Variants in GLIS3 observed in about 807,000 individuals in gnomAD.
GLIS3 encodes the protein zinc finger protein GLIS3.
A neutral mutation model predicts 78.6 loss-of-function variants in GLIS3; 53 were observed. The observed-to-expected ratio is 0.67, with a 90% CI of 0.54 to 0.85. The LOEUF is 0.85. Among genes scored for constraint, GLIS3 ranks in the 40% least tolerant of loss-of-function variants. GLIS3 has a pLI of 0.00. For synonymous variants in GLIS3, 684 were observed against 509.9 expected, an observed-to-expected ratio of 1.34 and a Z score of -4.60; for missense variants, 1,703 against 1,231.1, an observed-to-expected ratio of 1.38 and a Z score of -5.74.
At chr9:4,231,522 G>A (rs1318130438) in intron 2 of GLIS3, among the ~76,000 whole-genome samples, 2 of 152,122 alleles carry the variant, frequency 1.3e-5, no homozygotes, top group African/African-American at 4.8e-5. Context: ...TCCTTAGATA[G>A]AAAGCATGAG....
chr9:4,471,543 G>A, the GLIS3 span, among the ~76,000 whole-genome samples: 2 of 152,276 alleles, frequency 1.3e-5, no homozygotes, highest in Non-Finnish European at 2.9e-5. Flanking sequence ...TGGGAAAACT[G>A]GCTAGCCGTA....
intron 4 of GLIS3, among the ~76,000 whole-genome samples, chr9:4,068,839 T>C (rs1200632819): frequency 5.6e-5 from 8 of 142,464 alleles, no homozygotes; most frequent in Admixed American, 5.4e-4. Context: ...TATGCATGTG[T>C]GTGTGTGTGT....
At chr9:3,880,903 C>T (rs931427249) in intron 7 of GLIS3, among the ~76,000 whole-genome samples, 3 of 152,224 alleles carry the variant, frequency 2.0e-5, no homozygotes, top group African/African-American at 7.2e-5. Flanking sequence ...CAGGTTAACT[C>T]TTGTCCTCAG....
intron 2 of GLIS3, among the ~76,000 whole-genome samples, chr9:4,226,256 A>C (rs954801116): frequency 1.8e-4 from 27 of 152,310 alleles, no homozygotes; most frequent in African/African-American, 6.5e-4. Flanking sequence ...TTGCTTGGTT[A>C]ATTATTTTGT....
intron 4 of GLIS3, among the ~76,000 whole-genome samples, chr9:4,047,275 G>A (rs944096799): frequency 6.6e-6 from 1 of 152,012 alleles, no homozygotes. Context: ...GTTTCCTGAG[G>A]CCACCCCAGT....
intron 4 of GLIS3, among the ~76,000 whole-genome samples, chr9:4,086,120 A>C (rs1829004144): frequency 6.6e-6 from 1 of 152,190 alleles, no homozygotes; most frequent in African/African-American, 2.4e-5. Flanking sequence ...ATTTGACCTC[A>C]ACCACCAGAT....
intron 4 of GLIS3, among the ~76,000 whole-genome samples, chr9:3,997,715 A>G (rs76242449): frequency 0.011 from 1,629 of 152,222 alleles, 33 homozygotes; most frequent in African/African-American, 0.037. Context: ...GAACTTGTTA[A>G]CCTGTTAAAA....
chr9:4,002,215 C>T (rs1821168161), intron 4 of GLIS3, among the ~76,000 whole-genome samples: 1 of 152,124 alleles, frequency 6.6e-6, no homozygotes, highest in Non-Finnish European at 1.5e-5. Flanking sequence ...TAAGAGGTCA[C>T]AAGCCAAGGA....
intron 2 of GLIS3, among the ~76,000 whole-genome samples, chr9:4,338,983 A>G (rs1345041053): frequency 2.0e-5 from 3 of 152,332 alleles, no homozygotes; most frequent in Admixed American, 6.5e-5. Context: ...TTTATGTGTT[A>G]CAGGCTTACC....
rs575180055 is a variant in GLIS3, at chr9:4,164,059, T to C, written c.389-38118A>G. 2.6e-5 allele frequency among the ~76,000 whole-genome samples: 4 copies of C among 152,340 alleles called. No homozygotes were observed. The South Asian group carries it at 8.3e-4, about 32-fold the overall frequency. ...CTCATCCAATTGTCACGTCTTCCTC[T>C]AAACACAAAATATGCAAAGGTCTAT... On this transcript the variant is annotated intron_variant, in intron 2 of 10. Transcript: ENST00000381971.
At chr9:4,428,555 C>T in the GLIS3 span, among the ~76,000 whole-genome samples, 1 of 145,690 alleles carries the variant, frequency 6.9e-6, no homozygotes, top group African/African-American at 2.5e-5. Flanking sequence ...TCTGCATAAA[C>T]AAGCTATTAT....
chr9:3,843,417 CT>C (rs1300093612), intron 9 of GLIS3, among the ~76,000 whole-genome samples: 4 of 152,102 alleles, frequency 2.6e-5, no homozygotes, highest in African/African-American at 7.2e-5. Context: ...TACATTTGGG[CT>C]TGAAGTAAGA....
the GLIS3 span, among the ~76,000 whole-genome samples, chr9:4,354,871 C>T: frequency 6.6e-6 from 1 of 152,124 alleles, no homozygotes; most frequent in Non-Finnish European, 1.5e-5. Context: ...AATCCCAACA[C>T]TTTGGGAGGC....
At chr9:4,435,716 A>T in the GLIS3 span, among the ~76,000 whole-genome samples, 3 of 152,098 alleles carry the variant, frequency 2.0e-5, no homozygotes, top group African/African-American at 7.2e-5. Context: ...TTGGGAGGCC[A>T]AGGCGGGCGG....
At chr9:4,359,936 T>C in the GLIS3 span, among the ~76,000 whole-genome samples, 1 of 152,088 alleles carries the variant, frequency 6.6e-6, no homozygotes, top group African/African-American at 2.4e-5. Context: ...TATACTTATA[T>C]ATACATTTAT....
At chr9:3,965,183 C>CTTTTTTTTTTT (rs1817839410) in intron 4 of GLIS3, among the ~76,000 whole-genome samples, 1 of 125,364 alleles carries the variant, frequency 8.0e-6, no homozygotes, top group Non-Finnish European at 1.6e-5. Context: ...CTATTTCTTT[C>CTTTTTTTTTTT]TTTTCTTTTC....
At chr9:4,088,302 G>A (rs1350854896) in intron 4 of GLIS3, among the ~76,000 whole-genome samples, 1 of 152,174 alleles carries the variant, frequency 6.6e-6, no homozygotes, top group Non-Finnish European at 1.5e-5. Context: ...CAGTCCTGTG[G>A]GTCTAGCCCA....
rs76472094 is a variant in GLIS3, at chr9:4,097,208, C to T, written c.1710+20560G>A. The stretch of plus-strand genomic sequence containing the variant: ...CATCCTTTCTTCCATCTGCCTGCCA[C>T]CAGAAGCCACAGAGAACTGATATTG... On this transcript the variant is annotated intron_variant, in intron 4 of 10. Transcript: ENST00000381971. 3.7e-4 allele frequency among the ~76,000 whole-genome samples: 57 copies of T among 152,124 alleles called. 1 individual carries two copies. Among genetic ancestry groups the T allele is most frequent in the Admixed American group, 1.9e-3 (29 of 15,272 alleles).
chr9:4,202,101 A>G (rs964332339), intron 2 of GLIS3, among the ~76,000 whole-genome samples: 1 of 151,592 alleles, frequency 6.6e-6, no homozygotes, highest in African/African-American at 2.4e-5. Flanking sequence ...TCACGCCACT[A>G]CAGTATAGCC....
Sources: gnomAD v4.1 joint callset for allele counts (sites outside exome capture counted in the v4.1 genomes callset) on GRCh38, gnomAD v4.1.1 for gene constraint, MANE v1.5 for transcripts, NCBI Gene and HGNC (gene_info 2026-07-23, HGNC 2026-07-21) for gene names.